NAA25: variants seen among roughly 807,000 people sequenced by gnomAD.
NAA25 encodes the protein N-alpha-acetyltransferase 25, NatB auxiliary subunit, also known as N-terminal acetyltransferase B complex subunit NAA25.
In NAA25, 30 loss-of-function variants were observed where a neutral mutation model predicts 132.5. That is an observed-to-expected ratio of 0.23 (90% confidence interval 0.17 to 0.31). NAA25 has a LOEUF of 0.31. Ranked by LOEUF, NAA25 falls within the 10% of genes least tolerant of loss-of-function variation. The pLI is 1.00. For missense variants in NAA25, 771 were observed against 1,150.4 expected (o/e 0.67, Z 4.77); for synonymous variants, 359 against 401.9 (o/e 0.89, Z 1.28).
intron 12 of NAA25, among the ~76,000 whole-genome samples, chr12:112,060,973 A>G (rs1165704859): frequency 1.3e-5 from 2 of 152,252 alleles, no homozygotes; most frequent in Admixed American, 6.5e-5. Context: ...CAGATCAAGA[A>G]GAATACAGAC....
At chr12:112,040,400 A>G in intron 21 of NAA25, 81 bp downstream of exon 21, 2 of 790,628 alleles carry the variant, frequency 2.5e-6, no homozygotes, top group Middle Eastern at 2.4e-4. Context: ...TAAGGTGCCT[A>G]TTACCTGTTC....
rs2078175242 is a variant in NAA25, at chr12:112,033,300, C to G, written c.2729G>C (p.Gly910Ala). The change falls in exon 23 of 24, where the codon GGG becomes GCG. Residue 910 changes from glycine (G) to alanine (A), a missense_variant. By Grantham distance (60) the Gly-to-Ala change is moderately conservative. Coordinates refer to ENST00000261745, the MANE Select transcript of NAA25 (RefSeq NM_024953.4). ...AAGTGCAATTAGATGTGTTTCAAGC[C>G]CTTTAATATGATCCACAACATTGGA... ...LISNVVDHIK[G>A]LETHLIALKL... 2.5e-6 allele frequency: 4 copies of G among 1,613,060 alleles called. No homozygotes were observed. Among genetic ancestry groups the G allele is most frequent in the Non-Finnish European group, 3.4e-6 (4 of 1,179,584 alleles).
In NAA25 at chr12:112,043,102, T is replaced by C; in HGVS notation, c.2360A>G (p.Asp787Gly). The C allele has an allele frequency of 6.2e-7, 1 of 1,611,644 alleles. No individual in the cohort carries two copies. Among genetic ancestry groups the C allele is most frequent in the Non-Finnish European group, 8.5e-7 (1 of 1,178,912 alleles). ...FYLVNDIYELDTSGLEDTMEI... is the reference protein window; with the variant it reads ...FYLVNDIYELGTSGLEDTMEI... ...TGTACACTTACCTAAACCACTGGTA[T>C]CCAGCTCATAAATATCATTGACAAG... The change falls in exon 19 of 24, where the codon GAT becomes GGT. Residue 787 changes from aspartate (D) to glycine (G), a missense_variant. Asp to Gly is a moderately conservative substitution (Grantham distance 94). This residue lies in a region of NAA25 where 324 missense variants were observed against 400.0 expected (regional missense o/e 0.81). Coordinates refer to ENST00000261745, the MANE Select transcript of NAA25 (RefSeq NM_024953.4).
At chr12:112,054,049 T>C (rs1043490117) in intron 14 of NAA25, among the ~76,000 whole-genome samples, 1 of 152,190 alleles carries the variant, frequency 6.6e-6, no homozygotes, top group African/African-American at 2.4e-5. Flanking sequence ...AAATTCAAAC[T>C]TTGTTGAGGT....
intron 11 of NAA25, 150 bp from the exon 12 acceptor site, chr12:112,061,538 T>C: frequency 3.1e-6 from 2 of 653,934 alleles, no homozygotes; most frequent in Non-Finnish European, 5.1e-6. Flanking sequence ...TCTACCAAAA[T>C]AGCTAAAACA....
chr12:112,081,079 A>G lies in NAA25; in HGVS notation c.458T>C (p.Val153Ala), dbSNP rs1209204746. The G allele has an allele frequency of 6.2e-7, 1 of 1,613,414 alleles. No homozygotes were observed. The highest frequency in any genetic ancestry group is 1.1e-5 in the South Asian group (1 of 91,070). The change falls in exon 5 of 24, where the codon GTG (valine) becomes GCG (alanine). Residue 153 changes from valine to alanine, a missense_variant. Val to Ala is a moderately conservative substitution (Grantham distance 64, BLOSUM62 0). Transcript: ENST00000261745. ...ACTCACTTGCATAATTAAGCTCATC[A>G]CAGACCAAAAGTAGTAGGGATTTTT... Reference protein sequence around the residue: ...VPKNPYYFWSVMSLIMQSISA... With the variant: ...VPKNPYYFWSAMSLIMQSISA...
intron 17 of NAA25, among the ~76,000 whole-genome samples, chr12:112,047,229 CTTTTTTTTT>C (rs71808367): frequency 8.4e-6 from 1 of 119,184 alleles, no homozygotes; most frequent in South Asian, 2.7e-4. Flanking sequence ...CATCCTAATT[CTTTTTTTTT>C]TTTTTTTTTG....
At chr12:112,086,423 G>C (rs1012270091) in intron 4 of NAA25, among the ~76,000 whole-genome samples, 1 of 151,608 alleles carries the variant, frequency 6.6e-6, no homozygotes, top group Non-Finnish European at 1.5e-5. Flanking sequence ...TTCAACCTGG[G>C]AGGCCAGGTT....
intron 17 of NAA25, among the ~76,000 whole-genome samples, chr12:112,045,679 C>T (rs2136820615): frequency 6.6e-6 from 1 of 151,408 alleles, no homozygotes; most frequent in South Asian, 2.1e-4. Context: ...CCTGTAATCC[C>T]AGCTACTTGG....
intron 1 of NAA25, among the ~76,000 whole-genome samples, chr12:112,104,829 C>T (rs1012845794): frequency 7.2e-6 from 1 of 139,336 alleles, no homozygotes; most frequent in Non-Finnish European, 1.6e-5. Context: ...GAGTGAGACT[C>T]CATCTCAAAA....
intron 23 of NAA25, among the ~76,000 whole-genome samples, chr12:112,030,334 T>C (rs1292173045): frequency 6.6e-6 from 1 of 151,776 alleles, no homozygotes; most frequent in Non-Finnish European, 1.5e-5. Context: ...TATTTTGTTA[T>C]AACCTGTGCA....
intron 20 of NAA25, among the ~76,000 whole-genome samples, chr12:112,041,730 T>C (rs547468080): frequency 7.9e-5 from 12 of 152,168 alleles, no homozygotes; most frequent in Non-Finnish European, 1.3e-4. Context: ...TACAATACTA[T>C]AGAATATTAC....
chr12:112,038,595 G>C (rs2078258695), intron 22 of NAA25, among the ~76,000 whole-genome samples: 1 of 152,014 alleles, frequency 6.6e-6, no homozygotes, highest in African/African-American at 2.4e-5. Context: ...TTTAAGTTAG[G>C]GGAGAAAAAC....
chr12:112,084,364 TCATC>T (rs1482195955), intron 4 of NAA25, among the ~76,000 whole-genome samples: 3 of 152,228 alleles, frequency 2.0e-5, no homozygotes, highest in Admixed American at 2.0e-4. Context: ...ACAAAAACCT[TCATC>T]CATATGAAAC....
intron 11 of NAA25, among the ~76,000 whole-genome samples, chr12:112,063,517 C>T (rs938902242): frequency 6.6e-6 from 1 of 152,174 alleles, no homozygotes; most frequent in Non-Finnish European, 1.5e-5. Context: ...CCTATACTCC[C>T]AACCATATCG....
rs923866100 is a variant in NAA25, at chr12:112,080,195, G to C, written c.477+865C>G. 2.0e-5 allele frequency among the ~76,000 whole-genome samples: 3 copies of C among 149,924 alleles called. No homozygotes were observed. The South Asian group carries it at 6.4e-4, about 32-fold the overall frequency. ...ACTCAGGAGGCTGAGGCAGGAGAAT[G>C]GCGTAAACCTGGGAGGTGGGGCTTG... On this transcript the variant is annotated intron_variant, in intron 5 of 23. Coordinates refer to ENST00000261745, the MANE Select transcript of NAA25 (RefSeq NM_024953.4).
intron 11 of NAA25, among the ~76,000 whole-genome samples, chr12:112,067,178 G>A (rs1314403666): frequency 1.3e-5 from 2 of 151,818 alleles, no homozygotes; most frequent in South Asian, 2.1e-4. Context: ...CAGCCTGGGC[G>A]ACAGAGCGAG....
chr12:112,083,514 T>A (rs1274723156), intron 4 of NAA25, among the ~76,000 whole-genome samples: 1 of 147,164 alleles, frequency 6.8e-6, no homozygotes, highest in East Asian at 2.0e-4. Flanking sequence ...GCGACAAGAG[T>A]GAAACCCCAT....
intron 9 of NAA25, among the ~76,000 whole-genome samples, chr12:112,073,026 G>T (rs994757853): frequency 6.6e-5 from 10 of 152,002 alleles, no homozygotes; most frequent in African/African-American, 1.9e-4. Flanking sequence ...TTGAGCTCAC[G>T]AGTTCAAGAT....
Sources: allele counts gnomAD v4.1 joint callset (sites outside exome capture counted in the v4.1 genomes callset), GRCh38; gene constraint gnomAD v4.1.1; regional missense constraint gnomAD v4.1.1; transcripts MANE v1.5; gene names NCBI Gene and HGNC (gene_info 2026-07-23, HGNC 2026-07-21).